Variants in MGAT5 observed in about 807,000 individuals in gnomAD.
MGAT5 encodes alpha-1,6-mannosylglycoprotein 6-beta-N-acetylglucosaminyltransferase A.
MGAT5 carries 30 observed loss-of-function variants against 94.3 expected under a neutral mutation model. The observed-to-expected ratio is 0.32, with a 90% CI of 0.24 to 0.43. The LOEUF (loss-of-function observed/expected upper bound fraction) is 0.43, where lower values mean the gene tolerates loss of function less well. MGAT5 is among the 20% of genes least tolerant of loss of function. The pLI is 1.00. For synonymous variants in MGAT5, 310 were observed against 322.9 expected (o/e 0.96, Z 0.43); for missense variants, 691 against 905.5 (o/e 0.76, Z 3.04).
chr2:134,337,947 T>G (rs1216487964), intron 5 of MGAT5, among the ~76,000 whole-genome samples: 1 of 152,190 alleles, frequency 6.6e-6, no homozygotes, highest in African/African-American at 2.4e-5. Flanking sequence ...GCTGAGAATT[T>G]CAAGGTACAT....
chr2:134,217,124 A>C (rs956560177), intron 1 of MGAT5, among the ~76,000 whole-genome samples: 1 of 151,916 alleles, frequency 6.6e-6, no homozygotes, highest in African/African-American at 2.4e-5. Context: ...GTTGGGTAAA[A>C]ATTTGTTAAA....
At chr2:134,295,691 T>A (rs1297480899) in intron 2 of MGAT5, among the ~76,000 whole-genome samples, 1 of 152,186 alleles carries the variant, frequency 6.6e-6, no homozygotes, top group Non-Finnish European at 1.5e-5. Flanking sequence ...GTTCGGAGTT[T>A]CTATTGGAAC....
intron 4 of MGAT5, among the ~76,000 whole-genome samples, chr2:134,326,238 T>C (rs1477518584): frequency 1.3e-5 from 2 of 152,106 alleles, no homozygotes; most frequent in East Asian, 3.9e-4. Flanking sequence ...TTTCCTAGAA[T>C]TTCCAGCTTT....
At chr2:134,333,510 A>G (rs187323837) in intron 4 of MGAT5, among the ~76,000 whole-genome samples, 72 of 151,928 alleles carry the variant, frequency 4.7e-4, no homozygotes, top group African/African-American at 1.6e-3. Context: ...GGTGCAGCAC[A>G]CCAGCATGGC....
At chr2:134,263,344 C>T (rs78585467) in intron 1 of MGAT5, among the ~76,000 whole-genome samples, 2,001 of 152,218 alleles carry the variant, frequency 0.013, 18 homozygotes, top group Middle Eastern at 0.024. Flanking sequence ...TACCAGATTT[C>T]GATGCATGGA....
intron 4 of MGAT5, among the ~76,000 whole-genome samples, chr2:134,332,583 C>T (rs1187675513): frequency 6.6e-6 from 1 of 152,192 alleles, no homozygotes; most frequent in Non-Finnish European, 1.5e-5. Flanking sequence ...CCAAAATTGA[C>T]AAAGGGGATC....
intron 11 of MGAT5, 51 bp downstream of exon 11, chr2:134,403,188 A>G (rs762410917): frequency 1.3e-5 from 20 of 1,524,862 alleles, no homozygotes; most frequent in Admixed American, 7.4e-5. Context: ...TTGGCTGTGA[A>G]AATGGGATCA....
At chr2:134,314,856 T>A (rs906898186) in intron 2 of MGAT5, among the ~76,000 whole-genome samples, 2 of 152,132 alleles carry the variant, frequency 1.3e-5, no homozygotes, top group Non-Finnish European at 2.9e-5. Context: ...TCTCCTAGCA[T>A]AGCAACAGGG....
chr2:134,233,083 G>A (rs1681453443), intron 1 of MGAT5, among the ~76,000 whole-genome samples: 1 of 152,198 alleles, frequency 6.6e-6, no homozygotes, highest in South Asian at 2.1e-4. Context: ...AGCTTAAAAT[G>A]ATGTCATCGT....
intron 1 of MGAT5, among the ~76,000 whole-genome samples, chr2:134,196,543 G>T (rs544026967): frequency 6.6e-6 from 1 of 152,214 alleles, no homozygotes; most frequent in Non-Finnish European, 1.5e-5. Flanking sequence ...TTGTTAATGA[G>T]CTAGCAAATG....
At chr2:134,273,020 T>TGCGC (rs756429675) in intron 2 of MGAT5, among the ~76,000 whole-genome samples, 4 of 149,718 alleles carry the variant, frequency 2.7e-5, no homozygotes, top group African/African-American at 9.8e-5. Context: ...TGTGTGTGTG[T>TGCGC]GCGCGCGCGC....
chr2:134,448,661 C>T lies in MGAT5; in HGVS notation c.2040C>T (p.Thr680=). Residue 680 remains threonine (T), a synonymous_variant, in exon 16 of 16, where the codon ACC becomes ACT. Coordinates refer to ENST00000281923, the MANE Select transcript of MGAT5 (RefSeq NM_002410.5). ...KDKDMLKYKV[T]CQSSELAKDI... is the part of the protein sequence containing the mutation. ...TCTTCCTCTTCAGGTACAAGGTGAC[C>T]TGCCAAAGCTCAGAGCTGGCCAAGG... 10 of 1,614,200 alleles carry T rather than the reference C, an allele frequency of 6.2e-6. No homozygotes were observed. Among genetic ancestry groups the T allele is most frequent in the Non-Finnish European group, 8.5e-6 (10 of 1,180,026 alleles).
intron 1 of MGAT5, among the ~76,000 whole-genome samples, chr2:134,193,457 G>A (rs1345215384): frequency 1.3e-5 from 2 of 152,158 alleles, no homozygotes; most frequent in African/African-American, 2.4e-5. Context: ...GGGAGAACCT[G>A]GCAAAATGGG....
At chr2:134,126,382 C>T (rs966659746) in intron 1 of MGAT5, among the ~76,000 whole-genome samples, 3 of 152,184 alleles carry the variant, frequency 2.0e-5, no homozygotes, top group East Asian at 1.9e-4. Flanking sequence ...GGATTGAATG[C>T]GCTCCAAAGA....
At chr2:134,129,895 T>G (rs998634902) in intron 1 of MGAT5, among the ~76,000 whole-genome samples, 3 of 152,294 alleles carry the variant, frequency 2.0e-5, no homozygotes, top group Admixed American at 2.0e-4. Context: ...CTCTCTGGGC[T>G]GGCTGAGACC....
At chr2:134,258,927 G>T (rs1038720838) in intron 1 of MGAT5, among the ~76,000 whole-genome samples, 1 of 152,210 alleles carries the variant, frequency 6.6e-6, no homozygotes, top group Admixed American at 6.5e-5. Context: ...CTGACATTGT[G>T]TGCTTGTTGT....
At chr2:134,230,993 G>A (rs1043962445) in intron 1 of MGAT5, among the ~76,000 whole-genome samples, 10 of 152,146 alleles carry the variant, frequency 6.6e-5, no homozygotes, top group Non-Finnish European at 1.5e-4. Context: ...CTACAACATT[G>A]GACCTTGTGA....
intron 2 of MGAT5, among the ~76,000 whole-genome samples, chr2:134,288,965 T>C (rs1355060491): frequency 1.3e-5 from 2 of 152,170 alleles, no homozygotes; most frequent in Non-Finnish European, 2.9e-5. Context: ...AACCAGCTGG[T>C]GGAAGCCAGT....
At chr2:134,437,945 A>AG (rs1685261287) in intron 14 of MGAT5, among the ~76,000 whole-genome samples, 1 of 150,204 alleles carries the variant, frequency 6.7e-6, no homozygotes, top group Admixed American at 6.7e-5. Context: ...AACCTGGCAG[A>AG]GGGAGGTTGC....
Sources: gnomAD v4.1 joint callset for allele counts (sites outside exome capture counted in the v4.1 genomes callset) on GRCh38, gnomAD v4.1.1 for gene constraint, MANE v1.5 for transcripts, NCBI Gene and HGNC (gene_info 2026-07-23, HGNC 2026-07-21) for gene names.